Variants in GRM7 observed in about 807,000 individuals in gnomAD.
GRM7 encodes the protein glutamate metabotropic receptor 7, also known as metabotropic glutamate receptor 7.
In GRM7, 35 loss-of-function variants were observed where a neutral mutation model predicts 84.5. The ratio of observed to expected loss-of-function variants is 0.41; its 90% CI spans 0.32 to 0.55. The LOEUF is 0.55. Ranked by LOEUF, GRM7 falls within the 20% of genes least tolerant of loss-of-function variation. The pLI is 0.19. For missense variants in GRM7, 1,003 were observed against 1,194.6 expected (o/e 0.84, Z 2.36); for synonymous variants, 487 against 455.1 (o/e 1.07, Z -0.89).
At chr3:7,312,945 T>G (rs545414094) in intron 4 of GRM7, among the ~76,000 whole-genome samples, 2 of 150,088 alleles carry the variant, frequency 1.3e-5, no homozygotes, top group Non-Finnish European at 3.0e-5. Context: ...TCTTTTTTTT[T>G]TTTTTTTTTA....
chr3:7,153,746 T>C (rs1468605890), intron 2 of GRM7, among the ~76,000 whole-genome samples: 1 of 152,122 alleles, frequency 6.6e-6, no homozygotes, highest in South Asian at 2.1e-4. Flanking sequence ...TATTTCAGAG[T>C]ACCTTCTTTA....
chr3:7,301,747 A>G (rs1232260163), intron 3 of GRM7, among the ~76,000 whole-genome samples: 1 of 151,974 alleles, frequency 6.6e-6, no homozygotes, highest in Non-Finnish European at 1.5e-5. Context: ...ACAGTACTAA[A>G]AGCCAACAGC....
chr3:7,251,577 A>G (rs987223271), intron 2 of GRM7, among the ~76,000 whole-genome samples: 4 of 152,192 alleles, frequency 2.6e-5, no homozygotes, highest in African/African-American at 9.6e-5. Context: ...ATGTTGGGCT[A>G]TTATGATCCT....
At chr3:7,663,495 C>T (rs1420697463) in intron 8 of GRM7, among the ~76,000 whole-genome samples, 1 of 152,170 alleles carries the variant, frequency 6.6e-6, no homozygotes, top group Non-Finnish European at 1.5e-5. Flanking sequence ...GGTGGAATGC[C>T]TCTGGAGGGT....
At chr3:7,424,691 G>T (rs898520402) in intron 5 of GRM7, among the ~76,000 whole-genome samples, 2 of 152,160 alleles carry the variant, frequency 1.3e-5, no homozygotes, top group African/African-American at 4.8e-5. Flanking sequence ...CAAGTGAGCT[G>T]CACTGGGCCA....
intron 8 of GRM7, among the ~76,000 whole-genome samples, chr3:7,662,822 A>C (rs1699525755): frequency 6.6e-6 from 1 of 152,218 alleles, no homozygotes; most frequent in African/African-American, 2.4e-5. Context: ...CAAAATAAAA[A>C]TTTGGGGAAA....
At chr3:7,243,822 G>T (rs1697655003) in intron 2 of GRM7, among the ~76,000 whole-genome samples, 1 of 152,050 alleles carries the variant, frequency 6.6e-6, no homozygotes, top group Non-Finnish European at 1.5e-5. Context: ...CCATTCCATT[G>T]CTCCTAGGCT....
intron 7 of GRM7, among the ~76,000 whole-genome samples, chr3:7,493,397 CTT>C (rs150699622): frequency 6.6e-6 from 1 of 150,634 alleles, no homozygotes; most frequent in African/African-American, 2.4e-5. Context: ...TTGATTGATC[CTT>C]TTTTTTTCTC....
chr3:7,684,999 TC>T lies in GRM7; in HGVS notation c.2698+4707del, dbSNP rs765565726. Among the ~76,000 whole-genome samples the T allele has an allele frequency of 3.9e-5, 6 of 152,240 alleles. No individual in the cohort carries two copies. The East Asian group carries it at 1.2e-3, about 29-fold the overall frequency. ...GAAGAAGGGCACCTCAAACTGTTTCTCCCACCTGCATCCTGAATTTGGCATG... is the reference window on the plus strand; with the variant it reads ...GAAGAAGGGCACCTCAAACTGTTTCTCCACCTGCATCCTGAATTTGGCATG... On this transcript the variant is annotated intron_variant, in intron 9 of 9. Coordinates refer to ENST00000357716, the MANE Select transcript of GRM7 (RefSeq NM_000844.4).
At chr3:7,732,858 TAAAG>T (rs1385453404) in intron 9 of GRM7, among the ~76,000 whole-genome samples, 3 of 152,286 alleles carry the variant, frequency 2.0e-5, no homozygotes, top group South Asian at 4.1e-4. Context: ...GAAAGTAAAA[TAAAG>T]AATGGCTATT....
At chr3:7,664,799 G>C (rs1417289468) in intron 8 of GRM7, among the ~76,000 whole-genome samples, 2 of 152,116 alleles carry the variant, frequency 1.3e-5, no homozygotes, top group Non-Finnish European at 2.9e-5. Context: ...TTGAAACTCA[G>C]ATAATTCCAA....
At chr3:7,183,502 C>T (rs1695414468) in intron 2 of GRM7, among the ~76,000 whole-genome samples, 1 of 152,114 alleles carries the variant, frequency 6.6e-6, no homozygotes, top group South Asian at 2.1e-4. Context: ...TGGTGCATGC[C>T]TGTAGTCCCA....
intron 9 of GRM7, among the ~76,000 whole-genome samples, chr3:7,739,106 G>C (rs1180636892): frequency 2.0e-5 from 3 of 152,068 alleles, no homozygotes; most frequent in Non-Finnish European, 2.9e-5. Context: ...GTTTAATATA[G>C]AAATAAGTTT....
chr3:7,366,654 C>T (rs548550042), intron 4 of GRM7, among the ~76,000 whole-genome samples: 1 of 151,818 alleles, frequency 6.6e-6, no homozygotes, highest in South Asian at 2.1e-4. Context: ...ATTGAAAGTT[C>T]CTACAGTGTC....
intron 1 of GRM7, among the ~76,000 whole-genome samples, chr3:6,936,083 G>A (rs1204216777): frequency 6.6e-6 from 1 of 152,134 alleles, no homozygotes; most frequent in Non-Finnish European, 1.5e-5. Flanking sequence ...ACAAAGCTCG[G>A]TGACTTTCCC....
intron 7 of GRM7, among the ~76,000 whole-genome samples, chr3:7,471,361 G>C: frequency 1.3e-5 from 2 of 152,168 alleles, no homozygotes; most frequent in Middle Eastern, 6.8e-3. Flanking sequence ...CTTTTCTTAG[G>C]GAGAATCTAT....
At chr3:7,291,288 C>T (rs985989330) in intron 2 of GRM7, among the ~76,000 whole-genome samples, 1 of 152,048 alleles carries the variant, frequency 6.6e-6, no homozygotes, top group African/African-American at 2.4e-5. Context: ...TCATTTTCTC[C>T]CATATCAGAA....
At chr3:6,998,141 C>G (rs1463399778) in intron 1 of GRM7, among the ~76,000 whole-genome samples, 1 of 11,586 alleles carries the variant, frequency 8.6e-5, no homozygotes, top group Admixed American at 1.1e-3. Flanking sequence ...AAAAAAAAAG[C>G]AGGTTAGTTA....
intron 7 of GRM7, among the ~76,000 whole-genome samples, chr3:7,566,442 T>G (rs1297856182): frequency 6.6e-6 from 1 of 152,216 alleles, no homozygotes; most frequent in Non-Finnish European, 1.5e-5. Flanking sequence ...ATTATAATAT[T>G]ATTCTTAAAT....
Sources: gnomAD v4.1 joint callset for allele counts (sites outside exome capture counted in the v4.1 genomes callset) on GRCh38, gnomAD v4.1.1 for gene constraint, MANE v1.5 for transcripts, NCBI Gene and HGNC (gene_info 2026-07-23, HGNC 2026-07-21) for gene names.